SLC35D2: variants seen among roughly 807,000 people sequenced by gnomAD.
The protein encoded by SLC35D2 is nucleotide sugar transporter SLC35D2.
Under a neutral mutation model 41.8 loss-of-function variants are expected in SLC35D2, and 43 were observed. The observed-to-expected ratio is 1.03, with a 90% CI of 0.81 to 1.33. The LOEUF is 1.33. SLC35D2 is among the 40% of genes most tolerant of loss of function. The probability of loss-of-function intolerance (pLI) is 0.00; values close to 1 mark genes in which losing one functional copy is unlikely to be tolerated. For synonymous variants in SLC35D2, 150 were observed against 163.9 expected (o/e 0.92, Z 0.65); for missense variants, 380 against 408.4 (o/e 0.93, Z 0.60).
downstream of SLC35D2, among the ~76,000 whole-genome samples, chr9:96,316,934 C>T (rs1191339985): frequency 1.3e-5 from 2 of 151,982 alleles, no homozygotes; most frequent in African/African-American, 2.4e-5. Flanking sequence ...GTCAGGAGAT[C>T]GAGACCATCC....
intron 3 of SLC35D2, among the ~76,000 whole-genome samples, chr9:96,362,074 GA>G (rs1219864618): frequency 6.6e-6 from 1 of 152,148 alleles, no homozygotes; most frequent in Non-Finnish European, 1.5e-5. Context: ...TTCATACAAT[GA>G]AAATAAAAGA....
intron 1 of SLC35D2, among the ~76,000 whole-genome samples, chr9:96,378,894 G>A (rs187344895): frequency 2.0e-4 from 29 of 147,726 alleles, no homozygotes; most frequent in Admixed American, 1.4e-3. Flanking sequence ...ATGCCACCGC[G>A]CTCCAGCCTG....
chr9:96,335,797 T>C (rs1829024219), intron 9 of SLC35D2, among the ~76,000 whole-genome samples: 1 of 152,012 alleles, frequency 6.6e-6, no homozygotes. Context: ...CTCACGCCTG[T>C]AATCCCAGCA....
Position 96,368,287 on chromosome 9 carries a change from GA to G in SLC35D2, c.176del (p.Phe59SerfsTer11). 6.2e-7 allele frequency: 1 copy of G among 1,607,008 alleles called. No individual in the cohort carries two copies. The highest frequency in any genetic ancestry group is 8.5e-7 in the Non-Finnish European group (1 of 1,176,042). On this transcript the variant is annotated frameshift_variant, in exon 2 of 12. Coordinates refer to ENST00000253270, the MANE Select transcript of SLC35D2 (RefSeq NM_007001.3). LOFTEE classifies it high-confidence loss of function. ...TTTCACTCACCTGTCCAATTCCAAGGAAAATTGGTGACGGGAAACTACAAAG... is the reference window on the plus strand; with the variant it reads ...TTTCACTCACCTGTCCAATTCCAAGGAAATTGGTGACGGGAAACTACAAAG... Reference protein sequence around the residue: ...LTTYGFPSPIFLGIGQMAATI... With the variant: ...LTTYGFPSPIXLGIGQMAATI...
At chr9:96,315,162 C>T (rs997969148) in intron 11 of SLC35D2, among the ~76,000 whole-genome samples, 5 of 152,164 alleles carry the variant, frequency 3.3e-5, no homozygotes, top group African/African-American at 1.2e-4. Context: ...CTTTGTCACC[C>T]AGGCTGAAGT....
intron 8 of SLC35D2, 150 bp from the exon 9 acceptor site, chr9:96,336,934 C>A: frequency 1.8e-6 from 1 of 559,122 alleles, no homozygotes; most frequent in Non-Finnish European, 3.2e-6. Context: ...AGTTGTGGGA[C>A]ATTGGGCAAA....
At chr9:96,350,520 G>A (rs1187089127) in intron 6 of SLC35D2, among the ~76,000 whole-genome samples, 2 of 151,980 alleles carry the variant, frequency 1.3e-5, no homozygotes, top group Non-Finnish European at 1.5e-5. Flanking sequence ...ACCCAGGGAT[G>A]TAACTATTCA....
At chr9:96,373,424 TAC>T (rs1830794244) in intron 1 of SLC35D2, among the ~76,000 whole-genome samples, 1 of 152,082 alleles carries the variant, frequency 6.6e-6, no homozygotes, top group South Asian at 2.1e-4. Flanking sequence ...AGTGGTAGCT[TAC>T]ACCTGTAATT....
At position 96,368,325 on chromosome 9, in the gene SLC35D2, A is replaced by G; in HGVS notation, c.159-20T>C. The G allele has an allele frequency of 6.2e-7, 1 of 1,600,878 alleles. No individual in the cohort carries two copies. Among genetic ancestry groups the G allele is most frequent in the Non-Finnish European group, 8.5e-7 (1 of 1,171,012 alleles). On this transcript the variant is annotated intron_variant, in intron 1 of 11. Coordinates refer to ENST00000253270, the MANE Select transcript of SLC35D2 (RefSeq NM_007001.3). ...GGGAAACTACAAAGGACACAGAACA[A>G]CAAATCAGTTGAGCAAATATAAAAC...
chr9:96,342,110 T>C (rs943942163), intron 8 of SLC35D2, among the ~76,000 whole-genome samples: 4 of 151,968 alleles, frequency 2.6e-5, no homozygotes, highest in African/African-American at 9.7e-5. Context: ...TTTCTTTTTA[T>C]CTTTTTTCCT....
At chr9:96,352,836 G>A (rs1829863091) in intron 4 of SLC35D2, among the ~76,000 whole-genome samples, 1 of 151,964 alleles carries the variant, frequency 6.6e-6, no homozygotes, top group African/African-American at 2.4e-5. Flanking sequence ...TCAGGAGTTT[G>A]ACACCACACT....
chr9:96,333,493 G>A (rs1828904837), intron 9 of SLC35D2, among the ~76,000 whole-genome samples: 1 of 151,650 alleles, frequency 6.6e-6, no homozygotes, highest in Non-Finnish European at 1.5e-5. Context: ...TACTCAGGAG[G>A]CTGAGGCAGG....
At chr9:96,341,871 G>A (rs930956922) in intron 8 of SLC35D2, among the ~76,000 whole-genome samples, 7 of 151,848 alleles carry the variant, frequency 4.6e-5, no homozygotes, top group African/African-American at 1.7e-4. Context: ...TTGCCATGGG[G>A]AAATATGCTT....
At chr9:96,334,360 G>A (rs1347773221) in intron 9 of SLC35D2, among the ~76,000 whole-genome samples, 3 of 152,190 alleles carry the variant, frequency 2.0e-5, no homozygotes, top group Non-Finnish European at 4.4e-5. Context: ...AAAATGGGCC[G>A]GGTGTGGCGG....
intron 8 of SLC35D2, among the ~76,000 whole-genome samples, chr9:96,340,648 A>AC (rs1829280598): frequency 6.7e-6 from 1 of 149,476 alleles, no homozygotes; most frequent in Admixed American, 6.7e-5. Flanking sequence ...AAAAAAAAAA[A>AC]AACTAGTCAA....
At chr9:96,335,648 T>C (rs2130877562) in intron 9 of SLC35D2, among the ~76,000 whole-genome samples, 1 of 152,276 alleles carries the variant, frequency 6.6e-6, no homozygotes, top group East Asian at 1.9e-4. Context: ...TTTTTAATGA[T>C]TTCCTAGTTG....
chr9:96,339,605 T>G (rs1224437491), intron 8 of SLC35D2, among the ~76,000 whole-genome samples: 2 of 152,130 alleles, frequency 1.3e-5, no homozygotes, highest in Non-Finnish European at 2.9e-5. Flanking sequence ...TGTTGGAACG[T>G]GAGTCTTTTT....
chr9:96,362,172 C>T (rs565011205), intron 3 of SLC35D2, among the ~76,000 whole-genome samples: 5 of 152,144 alleles, frequency 3.3e-5, no homozygotes, highest in Admixed American at 2.6e-4. Flanking sequence ...AGTTAGATTC[C>T]CTTTATCTCA....
intron 9 of SLC35D2, among the ~76,000 whole-genome samples, chr9:96,328,346 G>A (rs531830373): frequency 2.0e-5 from 3 of 152,216 alleles, no homozygotes; most frequent in Non-Finnish European, 2.9e-5. Flanking sequence ...CATCTTCTGG[G>A]CTCAGGTGGT....
Sources: allele counts gnomAD v4.1 joint callset (sites outside exome capture counted in the v4.1 genomes callset), GRCh38; gene constraint gnomAD v4.1.1; transcripts MANE v1.5; gene names NCBI Gene and HGNC (gene_info 2026-07-23, HGNC 2026-07-21).